MCM5: variants seen among roughly 807,000 people sequenced by gnomAD.
MCM5 encodes DNA replication licensing factor MCM5.
A neutral mutation model predicts 79.9 loss-of-function variants in MCM5; 46 were observed. The observed-to-expected ratio is 0.58, with a 90% CI of 0.45 to 0.74. The LOEUF is 0.74. Among genes scored for constraint, MCM5 ranks in the 30% least tolerant of loss-of-function variants. MCM5 has a pLI of 0.00. For missense variants in MCM5, 883 were observed against 1,017.0 expected (o/e 0.87, Z 1.79); for synonymous variants, 404 against 390.5 (o/e 1.03, Z -0.41).
downstream of MCM5, among the ~76,000 whole-genome samples, chr22:35,429,685 G>A (rs1461455476): frequency 2.0e-5 from 3 of 152,008 alleles, no homozygotes; most frequent in Admixed American, 6.6e-5. Flanking sequence ...ACAGGCGCGC[G>A]CCACTGTAGC....
At chr22:35,449,787 C>A in the MCM5 span, among the ~76,000 whole-genome samples, 7 of 152,020 alleles carry the variant, frequency 4.6e-5, no homozygotes, top group African/African-American at 1.7e-4. Context: ...TATTTTTATT[C>A]TTATTTTTTT....
At chr22:35,446,993 G>T in the MCM5 span, among the ~76,000 whole-genome samples, 7 of 152,320 alleles carry the variant, frequency 4.6e-5, no homozygotes, top group African/African-American at 1.7e-4. Flanking sequence ...GCATCAGTCT[G>T]CTCTGCCCCG....
the MCM5 span, among the ~76,000 whole-genome samples, chr22:35,435,510 A>G: frequency 1.1e-4 from 16 of 151,022 alleles, no homozygotes; most frequent in Non-Finnish European, 2.2e-4. Flanking sequence ...CTGCAGAACA[A>G]CTCCCCCGTT....
In MCM5 at chr22:35,402,560, GT is replaced by G. The variant is rs917999246; in HGVS notation, c.168-636del. The stretch of plus-strand genomic sequence containing the variant: ...TGTTGGTGAGGCTGGTACCTTTTTG[GT>G]TTTTTTTTTTGAGACAGAGTCTCAG... On this transcript the variant is annotated intron_variant, in intron 2 of 16. Coordinates refer to ENST00000216122, the MANE Select transcript of MCM5 (RefSeq NM_006739.4). 2.0e-3 allele frequency among the ~76,000 whole-genome samples: 292 copies of G among 145,570 alleles called. 3 individuals carry two copies. In the East Asian group the frequency reaches 0.044, roughly 22 times the overall value.
At chr22:35,411,976 T>G (rs1042834360) in intron 7 of MCM5, among the ~76,000 whole-genome samples, 2 of 152,106 alleles carry the variant, frequency 1.3e-5, no homozygotes, top group Admixed American at 1.3e-4. Flanking sequence ...CAAGTCACCC[T>G]TGGTGCTCTT....
chr22:35,419,829 G>C (rs1932647137), intron 13 of MCM5, 55 bp from the exon 14 acceptor site: 3 of 1,533,326 alleles, frequency 2.0e-6, no homozygotes, highest in Admixed American at 3.9e-5. Flanking sequence ...GGAAAGGGTA[G>C]GTGCCCTAAG....
chr22:35,431,589 C>G, the MCM5 span, among the ~76,000 whole-genome samples: 1 of 152,148 alleles, frequency 6.6e-6, no homozygotes, highest in Non-Finnish European at 1.5e-5. Flanking sequence ...CTTGTCTCCT[C>G]CTGATATAGG....
chr22:35,446,235 G>A, the MCM5 span, among the ~76,000 whole-genome samples: 1 of 152,212 alleles, frequency 6.6e-6, no homozygotes, highest in Admixed American at 6.5e-5. Flanking sequence ...AAGGAACAAA[G>A]CAGCCCTAAT....
At chr22:35,420,098 A>G in intron 14 of MCM5, 86 bp downstream of exon 14, 1 of 1,483,522 alleles carries the variant, frequency 6.7e-7, no homozygotes, top group Non-Finnish European at 9.0e-7. Context: ...GCAGTGGTCC[A>G]GGCTTTTCAC....
rs1932756009 is a variant in MCM5, at chr22:35,424,217, C to T, written c.2167C>T (p.His723Tyr). The T allele has an allele frequency of 1.3e-6, 2 of 1,553,098 alleles. No homozygotes were observed. The highest frequency in any genetic ancestry group is 1.7e-6 in the Non-Finnish European group (2 of 1,147,906). The change falls in exon 17 of 17, where the codon CAT (histidine) becomes TAT (tyrosine). Residue 723 changes from histidine to tyrosine, a missense_variant. Physicochemically the swap from His to Tyr is moderately conservative, Grantham distance 83. Around this residue, in one of 3 missense-constraint regions of MCM5, gnomAD observed 426 missense variants for 482.3 expected, o/e 0.88. Coordinates refer to ENST00000216122, the MANE Select transcript of MCM5 (RefSeq NM_006739.4). ...CATGCTGCGGCGCGGCGAGATCCAG[C>T]ATCGCATGCAGCGCAAGGTTCTCTA... is the stretch of plus-strand genomic sequence containing the variant. ...QLMLRRGEIQ[H>Y]RMQRKVLYRL...
intron 2 of MCM5, chr22:35,401,477 G>A (rs1270081992): frequency 8.5e-6 from 4 of 470,218 alleles, no homozygotes; most frequent in South Asian, 3.1e-5. Flanking sequence ...GTGATTGTAC[G>A]ACCTGTGACA....
chr22:35,423,084 C>G, intron 15 of MCM5, 130 bp from the exon 16 acceptor site: 1 of 995,788 alleles, frequency 1.0e-6, no homozygotes, highest in Non-Finnish European at 1.5e-6. Flanking sequence ...CCCTGGCACA[C>G]TCGGTGCCCT....
chr22:35,453,817 TATAGAG>T, the MCM5 span, among the ~76,000 whole-genome samples: 19 of 78,284 alleles, frequency 2.4e-4, no homozygotes, highest in Admixed American at 8.3e-4. Flanking sequence ...TATATATATA[TATAGAG>T]AGAGAGAGAG....
At chr22:35,446,489 G>A in the MCM5 span, among the ~76,000 whole-genome samples, 1 of 152,142 alleles carries the variant, frequency 6.6e-6, no homozygotes, top group African/African-American at 2.4e-5. Context: ...CAGAGCTGCT[G>A]CGCACCCTGG....
the MCM5 span, among the ~76,000 whole-genome samples, chr22:35,450,335 C>CT: frequency 0.11 from 17,225 of 151,906 alleles, 2,850 homozygotes; most frequent in African/African-American, 0.37. Context: ...AAACTGCCCC[C>CT]GGGACTGCTG....
At chr22:35,433,337 A>T in the MCM5 span, among the ~76,000 whole-genome samples, 2 of 152,216 alleles carry the variant, frequency 1.3e-5, no homozygotes, top group Admixed American at 1.3e-4. Context: ...CATGTATAAC[A>T]TCACCATCTT....
At chr22:35,424,007 C>T (rs1932753441) in intron 16 of MCM5, 147 bp from the exon 17 acceptor site, 1 of 591,096 alleles carries the variant, frequency 1.7e-6, no homozygotes, top group Admixed American at 3.2e-5. Context: ...GCCTCAGTGT[C>T]TGGTACACAG....
intron 7 of MCM5, among the ~76,000 whole-genome samples, chr22:35,411,919 C>G (rs766993505): frequency 6.6e-6 from 1 of 152,190 alleles, no homozygotes; most frequent in Non-Finnish European, 1.5e-5. Flanking sequence ...ACTGGCTCCT[C>G]TCAGTCTTCC....
chr22:35,445,503 ATTTTTGTATT>A, the MCM5 span, among the ~76,000 whole-genome samples: 18 of 144,942 alleles, frequency 1.2e-4, no homozygotes, highest in Admixed American at 5.5e-4. Context: ...TAATTTTTGT[ATTTTTGTATT>A]TTTTTTTTTT....
Sources: gnomAD v4.1 joint callset for allele counts (sites outside exome capture counted in the v4.1 genomes callset) on GRCh38, gnomAD v4.1.1 for gene constraint, gnomAD v4.1.1 regional missense constraint, MANE v1.5 for transcripts, NCBI Gene and HGNC (gene_info 2026-07-23, HGNC 2026-07-21) for gene names.